Variants in TBRG1 observed in about 807,000 individuals in gnomAD.
TBRG1 encodes transforming growth factor beta regulator 1.
Under a neutral mutation model 44.0 loss-of-function variants are expected in TBRG1, and 31 were observed. The ratio of observed to expected loss-of-function variants is 0.70; its 90% CI spans 0.53 to 0.95. TBRG1 has a LOEUF of 0.95. TBRG1 is among the 40% of genes least tolerant of loss of function. The pLI is 0.00. For missense variants in TBRG1, 487 were observed against 496.1 expected (o/e 0.98, Z 0.18); for synonymous variants, 171 against 188.1 (o/e 0.91, Z 0.74).
At chr11:124,626,439 G>A (rs1044756678) in intron 3 of TBRG1, 34 bp from the exon 4 acceptor site, 36 of 1,502,236 alleles carry the variant, frequency 2.4e-5, no homozygotes, top group Non-Finnish European at 2.9e-5. Flanking sequence ...ATTGGAAGGG[G>A]CCTAAAGTGG....
At position 124,625,897 on chromosome 11, in the gene TBRG1, C is replaced by G. The variant is rs1413424167; in HGVS notation, c.448C>G (p.Leu150Val). Reference sequence around the variant, plus strand: ...AGAAAAAGGCAAAGAGAACAACAAACTGGAAGGTACTTTGGGGAGATGATA... The same window carrying G: ...AGAAAAAGGCAAAGAGAACAACAAAGTGGAAGGTACTTTGGGGAGATGATA... ...KKEKGKENNK[L>V]EVLKKTCKKK... The change falls in exon 3 of 9, where the codon CTG becomes GTG. Residue 150 changes from leucine (L) to valine (V), a missense_variant. Transcript: ENST00000441174. The G allele has an allele frequency of 2.0e-5, 31 of 1,574,214 alleles. No individual in the cohort carries two copies. Among genetic ancestry groups the G allele is most frequent in the Non-Finnish European group, 2.7e-5 (31 of 1,162,822 alleles).
intron 5 of TBRG1, chr11:124,630,151 G>T: frequency 2.4e-6 from 1 of 422,474 alleles, no homozygotes; most frequent in Non-Finnish European, 4.4e-6. Flanking sequence ...CAAATTAAAC[G>T]CTCACTTTTG....
chr11:124,631,329 G>C lies in TBRG1; in HGVS notation c.1002G>C (p.Glu334Asp). 2 of 1,613,014 alleles carry C rather than the reference G, an allele frequency of 1.2e-6. No individual in the cohort carries two copies. The highest frequency in any genetic ancestry group is 2.2e-5 in the East Asian group (1 of 44,878). The change falls in exon 8 of 9, where the codon GAG becomes GAC. Residue 334 changes from glutamate to aspartate, a missense_variant. Physicochemically the swap from Glu to Asp is conservative, Grantham distance 45. Transcript: ENST00000441174. ...VCKPGDGQLP[E>D]GLPENDAAMS... is the part of the protein sequence containing the mutation. ...AACCTGGAGATGGGCAGCTACCTGA[G>C]GGGCTGCCGGAGAATGATGCAGCTA...
At chr11:124,626,678 C>G in intron 4 of TBRG1, 69 bp downstream of exon 4, 2 of 1,524,592 alleles carry the variant, frequency 1.3e-6, no homozygotes, top group Non-Finnish European at 8.9e-7. Flanking sequence ...AGCCTTCCCT[C>G]CCTGTTCCCA....
chr11:124,631,491 G>T, intron 8 of TBRG1, 74 bp downstream of exon 8: 1 of 1,437,998 alleles, frequency 7.0e-7, no homozygotes, highest in Non-Finnish European at 9.7e-7. Context: ...ACACATAGCC[G>T]AGTACCCTAA....
At chr11:124,627,132 C>A in intron 5 of TBRG1, 82 bp downstream of exon 5, 1 of 1,003,316 alleles carries the variant, frequency 1.0e-6, no homozygotes, top group Non-Finnish European at 1.5e-6. Context: ...TGATACCTTA[C>A]AAGGTAGATA....
In TBRG1 at chr11:124,633,719, G is replaced by A. The variant is rs1224917565; in HGVS notation, c.*1481G>A. On this transcript the variant is annotated 3_prime_UTR_variant, in exon 9 of 9. Coordinates refer to ENST00000441174, the MANE Select transcript of TBRG1 (RefSeq NM_032811.3). ...AACAAACTTTGTATAATAGCAAATC[G>A]GGAAGGGGACTGCTTAAAATGTTAA... 1 of 133,166 alleles carries A rather than the reference G, an allele frequency of 7.5e-6. No homozygotes were observed. Among genetic ancestry groups the A allele is most frequent in the African/African-American group, 4.2e-5 (1 of 24,092 alleles). 8.2% of individuals were successfully genotyped at this position (133,166 alleles called of 1,614,324 possible).
At chr11:124,631,132 CT>C in intron 7 of TBRG1, 142 bp from the exon 8 acceptor site, 1 of 842,516 alleles carries the variant, frequency 1.2e-6, no homozygotes, top group Non-Finnish European at 1.8e-6. Context: ...CTGCTTATTT[CT>C]TTTAGGTTTT....
At chr11:124,625,522 T>C in intron 2 of TBRG1, 149 bp from the exon 3 acceptor site, 1 of 689,050 alleles carries the variant, frequency 1.5e-6, no homozygotes, top group Non-Finnish European at 2.4e-6. Context: ...CTCCAGGGCT[T>C]TATGATTCAT....
At chr11:124,629,748 A>G (rs1485818789) in intron 5 of TBRG1, among the ~76,000 whole-genome samples, 1 of 152,250 alleles carries the variant, frequency 6.6e-6, no homozygotes, top group Non-Finnish European at 1.5e-5. Context: ...AATGAACTTT[A>G]AAACTAGTCA....
Position 124,632,168 on chromosome 11 carries a change from C to A in TBRG1, c.1166C>A (p.Pro389His), listed in dbSNP as rs1213852948. Residue 389 changes from proline (P) to histidine (H), a missense_variant, in exon 9 of 9, where the codon CCC (proline) becomes CAC (histidine). Transcript: ENST00000441174. ...CAGCCCATGTACCTGACACATGAACCCTTGGTAGATACTCACCTGCAGCAC... is the reference window on the plus strand; with the variant it reads ...CAGCCCATGTACCTGACACATGAACACTTGGTAGATACTCACCTGCAGCAC... ...SYQPMYLTHE[P>H]LVDTHLQHLK... 1 of 1,613,606 alleles carries A rather than the reference C, an allele frequency of 6.2e-7. No individual in the cohort carries two copies. Among genetic ancestry groups the A allele is most frequent in the Admixed American group, 1.7e-5 (1 of 60,022 alleles).
At chr11:124,626,801 C>T (rs1942483127) in intron 4 of TBRG1, 103 bp from the exon 5 acceptor site, 1 of 1,526,340 alleles carries the variant, frequency 6.6e-7, no homozygotes, top group Admixed American at 2.0e-5. Flanking sequence ...TGTGATTTGT[C>T]ACTCTTTGCA....
Position 124,625,657 on chromosome 11 carries a change from C to T in TBRG1, c.222-14C>T. On this transcript the variant is annotated splice_polypyrimidine_tract_variant and intron_variant, in intron 2 of 8. Transcript: ENST00000441174. The stretch of plus-strand genomic sequence containing the variant: ...GGAAGTTCATTTCTCTGCTCCTTTC[C>T]TTCCTGATCTCAGGTACTTGCTAAA... The T allele has an allele frequency of 6.5e-7, 1 of 1,547,966 alleles. No individual in the cohort carries two copies. The highest frequency in any genetic ancestry group is 8.7e-7 in the Non-Finnish European group (1 of 1,145,912).
Position 124,625,730 on chromosome 11 carries a change from C to T in TBRG1, c.281C>T (p.Ala94Val). The change falls in exon 3 of 9, where the codon GCA (alanine) becomes GTA (valine). Residue 94 changes from alanine (A) to valine (V), a missense_variant. By Grantham distance (64) the Ala-to-Val change is moderately conservative. Coordinates refer to ENST00000441174, the MANE Select transcript of TBRG1 (RefSeq NM_032811.3). ...QALTEGEVQAAAPSHSSSLPL... is the reference protein window; with the variant it reads ...QALTEGEVQAVAPSHSSSLPL... ...CTAACTGAAGGGGAAGTACAGGCTG[C>T]AGCTCCTTCCCACAGTTCCAGTTTG... 6.4e-7 allele frequency: 1 copy of T among 1,557,774 alleles called. No individual in the cohort carries two copies. The highest frequency in any genetic ancestry group is 1.9e-5 in the Admixed American group (1 of 51,690).
In TBRG1 at chr11:124,624,379, A is replaced by AAAG. The variant is rs1555091627; in HGVS notation, c.151-550_151-549insGAA. Among the ~76,000 whole-genome samples, 694 of 147,768 alleles carry AAAG rather than the reference A, an allele frequency of 4.7e-3. 10 individuals carry two copies. Among genetic ancestry groups the AAAG allele is most frequent in the African/African-American group, 0.017 (654 of 37,936 alleles). ...CATCATTTACAAAAAAAAAAAAAAA[A>AAAG]AAAAGAAAAAAGATAATACTTGAAT... On this transcript the variant is annotated intron_variant, in intron 1 of 8. Transcript: ENST00000441174.
At position 124,634,067 on chromosome 11, in the gene TBRG1, G is replaced by C. The variant is rs543697724; in HGVS notation, c.*1829G>C. 6.6e-6 allele frequency: 1 copy of C among 152,334 alleles called. No individual in the cohort carries two copies. Among genetic ancestry groups the C allele is most frequent in the South Asian group, 2.1e-4 (1 of 4,826 alleles). 9.4% of individuals were successfully genotyped at this position (152,334 alleles called of 1,614,324 possible). On this transcript the variant is annotated 3_prime_UTR_variant, in exon 9 of 9. Transcript: ENST00000441174. ...ATGGATTTAAGAAACTTGAAAAGCT[G>C]GGCACGGTGGCTCACGCCTGTAATC...
At chr11:124,625,289 T>C (rs1168801211) in intron 2 of TBRG1, among the ~76,000 whole-genome samples, 1 of 152,248 alleles carries the variant, frequency 6.6e-6, no homozygotes. Context: ...TTTAATCTTA[T>C]GGCCCAATTA....
rs1122198 is a variant in TBRG1 at position 124,624,675 on chromosome 11, C to T, written c.151-256C>T. Among the ~76,000 whole-genome samples the T allele has an allele frequency of 3.9e-5, 6 of 152,298 alleles. No individual in the cohort carries two copies. The East Asian group carries it at 5.8e-4, about 15-fold the overall frequency. On this transcript the variant is annotated intron_variant, in intron 1 of 8. Coordinates refer to ENST00000441174, the MANE Select transcript of TBRG1 (RefSeq NM_032811.3). ...GTCCTGGTTCACCGTATTGTTCTGG[C>T]ATAAGCATTAATAGTACCCCCTTTT...
chr11:124,632,127 C>CT lies in TBRG1; in HGVS notation c.1128dup (p.Val377CysfsTer12). 1.2e-6 allele frequency: 2 copies of CT among 1,613,692 alleles called. No individual in the cohort carries two copies. Among genetic ancestry groups the CT allele is most frequent in the Non-Finnish European group, 1.7e-6 (2 of 1,179,668 alleles). On this transcript the variant is annotated frameshift_variant, in exon 9 of 9. Transcript: ENST00000441174. LOFTEE classifies it high-confidence loss of function. ...ACCTCCCAGAGCTTCAGCCTGCAGC[C>CT]TTTGTGTCTTCTTACCAGCCCATGT...
Sources: gnomAD v4.1 joint callset for allele counts (sites outside exome capture counted in the v4.1 genomes callset) on GRCh38, gnomAD v4.1.1 for gene constraint, MANE v1.5 for transcripts, NCBI Gene and HGNC (gene_info 2026-07-23, HGNC 2026-07-21) for gene names.